GMPS: variants seen among roughly 807,000 people sequenced by gnomAD.
GMPS encodes the protein guanosine monophosphate synthase.
In GMPS, 15 loss-of-function variants were observed where a neutral mutation model predicts 77.9. The observed-to-expected ratio is 0.19, with a 90% CI of 0.13 to 0.30. The LOEUF is 0.30. Among genes scored for constraint, GMPS ranks in the 10% least tolerant of loss-of-function variants. The pLI is 1.00. For synonymous variants in GMPS, 224 were observed against 275.9 expected (o/e 0.81, Z 1.86); for missense variants, 590 against 838.8 (o/e 0.70, Z 3.66).
intron 8 of GMPS, 133 bp downstream of exon 8, chr3:155,914,703 A>C: frequency 1.9e-6 from 1 of 533,706 alleles, no homozygotes; most frequent in East Asian, 3.2e-5. Flanking sequence ...TGAGAGTTTT[A>C]TTGTATATTG....
rs77440100 is a variant in GMPS at position 155,940,740 on chromosome 3, GTTTTTTT to G, written c.*3060_*3066del. On this transcript the variant is annotated 3_prime_UTR_variant, in exon 16 of 16. Coordinates refer to ENST00000496455, the MANE Select transcript of GMPS (RefSeq NM_003875.3). The stretch of plus-strand genomic sequence containing the variant: ...AGACAGAATGGAGAAGCTGGATAGT[GTTTTTTT>G]TTTTTTTTTTTAAGGTTCTTTTATC... The G allele has an allele frequency of 5.7e-6, 1 of 174,988 alleles. No individual in the cohort carries two copies. Among genetic ancestry groups the G allele is most frequent in the Non-Finnish European group, 1.2e-5 (1 of 86,036 alleles). The allele number at this position is 174,988 out of a possible 1,614,324, so 10.8% of individuals were successfully genotyped here.
rs1755939193 is a variant in GMPS at position 155,943,398 on chromosome 3, C to T, written c.*5706C>T. The T allele has an allele frequency of 1.1e-5, 2 of 180,362 alleles. No individual in the cohort carries two copies. Among genetic ancestry groups the T allele is most frequent in the Non-Finnish European group, 2.4e-5 (2 of 84,332 alleles). The allele number at this position is 180,362 out of a possible 1,614,324, so 11.2% of individuals were successfully genotyped here. A position where few individuals can be genotyped will look rare whatever the true frequency, so the allele number is the denominator to read the frequency against. Reference sequence around the variant, plus strand: ...TTCTCCAGGAAGCCTAAACCTTGAGCAGTATCTTATTCAAGTGGAGTATAT... The same window carrying T: ...TTCTCCAGGAAGCCTAAACCTTGAGTAGTATCTTATTCAAGTGGAGTATAT... On this transcript the variant is annotated 3_prime_UTR_variant, in exon 16 of 16. Coordinates refer to ENST00000496455, the MANE Select transcript of GMPS (RefSeq NM_003875.3).
At chr3:155,936,605 T>G in intron 15 of GMPS, 95 bp downstream of exon 15, 1 of 724,688 alleles carries the variant, frequency 1.4e-6, no homozygotes. Context: ...CTGTATTTCT[T>G]ATGTTGGTTT....
chr3:155,926,800 G>A (rs1184361145), intron 12 of GMPS, among the ~76,000 whole-genome samples: 4 of 152,034 alleles, frequency 2.6e-5, no homozygotes, highest in Admixed American at 1.3e-4. Context: ...TGAGGCAGGC[G>A]GATCACCTGA....
intron 11 of GMPS, among the ~76,000 whole-genome samples, chr3:155,924,939 C>T (rs1211313586): frequency 6.6e-6 from 1 of 152,148 alleles, no homozygotes; most frequent in Non-Finnish European, 1.5e-5. Context: ...ACAAAACTGA[C>T]TTTATGGCAA....
chr3:155,902,493 G>A (rs1754757808), intron 3 of GMPS, among the ~76,000 whole-genome samples: 1 of 152,184 alleles, frequency 6.6e-6, no homozygotes. Flanking sequence ...TCAAGTCTGT[G>A]TCCATGATAA....
chr3:155,937,781 T>G lies in GMPS; in HGVS notation c.*89T>G. ...TTGACATGCAGTACTGTGAAAAGAGTTACTGGAGCAGCTACATCACATCTG... is the reference window on the plus strand; with the variant it reads ...TTGACATGCAGTACTGTGAAAAGAGGTACTGGAGCAGCTACATCACATCTG... On this transcript the variant is annotated 3_prime_UTR_variant, in exon 16 of 16. Transcript: ENST00000496455. The G allele has an allele frequency of 2.9e-6, 2 of 691,464 alleles. No homozygotes were observed. The highest frequency in any genetic ancestry group is 1.8e-5 in the South Asian group (1 of 56,238). The allele number at this position is 691,464 out of a possible 1,614,324, so 42.8% of individuals were successfully genotyped here.
intron 5 of GMPS, among the ~76,000 whole-genome samples, chr3:155,906,700 C>A (rs998158908): frequency 7.0e-6 from 1 of 143,810 alleles, no homozygotes; most frequent in Admixed American, 6.6e-5. Flanking sequence ...CAAACTGTGA[C>A]TTGTGGGTCA....
At chr3:155,926,860 A>G (rs1437984324) in intron 12 of GMPS, among the ~76,000 whole-genome samples, 1 of 151,994 alleles carries the variant, frequency 6.6e-6, no homozygotes, top group East Asian at 1.9e-4. Flanking sequence ...CCCCATCTCT[A>G]CTAATTAGCC....
intron 3 of GMPS, among the ~76,000 whole-genome samples, chr3:155,902,400 C>G (rs1051491726): frequency 1.3e-5 from 2 of 152,094 alleles, no homozygotes; most frequent in African/African-American, 2.4e-5. Flanking sequence ...GCATGACCTG[C>G]AAGCAAAGAA....
chr3:155,873,425 C>T (rs1753949140), intron 1 of GMPS, among the ~76,000 whole-genome samples: 1 of 151,510 alleles, frequency 6.6e-6, no homozygotes. Context: ...TCACCCCGCC[C>T]TGCTAATTTT....
rs1755437337 is a variant in GMPS, at chr3:155,925,715, A to G, written c.1560+349A>G. On this transcript the variant is annotated intron_variant, in intron 12 of 15. Transcript: ENST00000496455. ...TAAATATTGAAAGCAACCCTTTCCTATAGGGTTGGCATGCTTACTTCTGCC... is the reference window on the plus strand; with the variant it reads ...TAAATATTGAAAGCAACCCTTTCCTGTAGGGTTGGCATGCTTACTTCTGCC... 2.6e-5 allele frequency among the ~76,000 whole-genome samples: 4 copies of G among 152,138 alleles called. No homozygotes were observed. In the South Asian group the frequency reaches 8.3e-4, roughly 31 times the overall value.
chr3:155,920,018 AT>A (rs1755278032), intron 10 of GMPS, among the ~76,000 whole-genome samples: 1 of 152,022 alleles, frequency 6.6e-6, no homozygotes, highest in South Asian at 2.1e-4. Context: ...ATTGAAAAGC[AT>A]AATAATAGCC....
intron 3 of GMPS, among the ~76,000 whole-genome samples, chr3:155,902,884 G>A (rs898360521): frequency 6.6e-6 from 1 of 152,170 alleles, no homozygotes; most frequent in Non-Finnish European, 1.5e-5. Context: ...GACAAATACT[G>A]TGTTAAACAA....
At chr3:155,912,180 A>T (rs74340123) in intron 7 of GMPS, among the ~76,000 whole-genome samples, 8,306 of 152,340 alleles carry the variant, frequency 0.055, 319 homozygotes, top group East Asian at 0.18. Flanking sequence ...TAAAATGAAG[A>T]CTTGTAGGTA....
chr3:155,897,581 C>G (rs1754632529), intron 2 of GMPS, among the ~76,000 whole-genome samples: 1 of 152,170 alleles, frequency 6.6e-6, no homozygotes, highest in African/African-American at 2.4e-5. Flanking sequence ...TTCACCATCT[C>G]TAGAATTCTT....
In GMPS at chr3:155,939,990, G is replaced by A. The variant is rs578048239; in HGVS notation, c.*2298G>A. On this transcript the variant is annotated 3_prime_UTR_variant, in exon 16 of 16. Coordinates refer to ENST00000496455, the MANE Select transcript of GMPS (RefSeq NM_003875.3). Reference sequence around the variant, plus strand: ...TTTCCTTAGTCCAGATTGTCCTGATGTGTATTCTGACACCTAAAATTATAT... The same window carrying A: ...TTTCCTTAGTCCAGATTGTCCTGATATGTATTCTGACACCTAAAATTATAT... The A allele has an allele frequency of 2.0e-5, 4 of 204,626 alleles. No individual in the cohort carries two copies. The highest frequency in any genetic ancestry group is 6.8e-5 in the African/African-American group (3 of 43,864). The allele number at this position is 204,626 out of a possible 1,614,324, so 12.7% of individuals were successfully genotyped here. A position where few individuals can be genotyped will look rare whatever the true frequency, so the allele number is the denominator to read the frequency against.
chr3:155,890,336 G>A (rs757197825), intron 1 of GMPS, among the ~76,000 whole-genome samples: 28 of 152,156 alleles, frequency 1.8e-4, no homozygotes, highest in Non-Finnish European at 2.9e-5. Flanking sequence ...AAGTAAAACA[G>A]CTAAAAATAA....
intron 7 of GMPS, among the ~76,000 whole-genome samples, chr3:155,912,774 G>A (rs1755073974): frequency 6.6e-6 from 1 of 152,168 alleles, no homozygotes; most frequent in South Asian, 2.1e-4. Flanking sequence ...ACCTTGGGGT[G>A]GGGTGGGAAG....
Sources: gnomAD v4.1 joint callset for allele counts (sites outside exome capture counted in the v4.1 genomes callset) on GRCh38, gnomAD v4.1.1 for gene constraint, MANE v1.5 for transcripts, NCBI Gene and HGNC (gene_info 2026-07-23, HGNC 2026-07-21) for gene names.